Variants in GTF2A1 observed in about 807,000 individuals in gnomAD.
The protein encoded by GTF2A1 is general transcription factor IIA subunit 1, also known as transcription initiation factor IIA subunit 1.
GTF2A1 carries 12 observed loss-of-function variants against 54.1 expected under a neutral mutation model. That is an observed-to-expected ratio of 0.22 (90% confidence interval 0.14 to 0.36). GTF2A1 has a LOEUF of 0.36. Among genes scored for constraint, GTF2A1 ranks in the 10% least tolerant of loss-of-function variants. The probability of loss-of-function intolerance (pLI) is 1.00; values close to 1 mark genes in which losing one functional copy is unlikely to be tolerated. For synonymous variants in GTF2A1, 145 were observed against 152.0 expected, an observed-to-expected ratio of 0.95 and a Z score of 0.34; for missense variants, 335 against 442.2, an observed-to-expected ratio of 0.76 and a Z score of 2.17.
intron 8 of GTF2A1, among the ~76,000 whole-genome samples, chr14:81,181,126 C>G (rs1280062929): frequency 3.9e-5 from 6 of 152,172 alleles, no homozygotes; most frequent in African/African-American, 1.4e-4. Context: ...AGCTGAAGGG[C>G]AGGCTCTGGG....
intron 2 of GTF2A1, among the ~76,000 whole-genome samples, chr14:81,208,723 G>A (rs1461892533): frequency 1.3e-5 from 2 of 152,182 alleles, no homozygotes; most frequent in East Asian, 1.9e-4. Context: ...GCCCAAGACC[G>A]TGGGAACCCA....
At position 81,178,134 on chromosome 14, in the gene GTF2A1, T is replaced by C. The variant is rs774374514; in HGVS notation, c.*2089A>G. The stretch of plus-strand genomic sequence containing the variant: ...CTATGAATATGAATGTTTGTCTACA[T>C]AGAGGGCCCAAGACAAGCTGAATAT... On this transcript the variant is annotated 3_prime_UTR_variant, in exon 9 of 9. Transcript: ENST00000553612. 7 of 152,090 alleles carry C rather than the reference T, an allele frequency of 4.6e-5. No individual in the cohort carries two copies. Among genetic ancestry groups the C allele is most frequent in the Non-Finnish European group, 1.0e-4 (7 of 67,972 alleles). 9.4% of individuals were successfully genotyped at this position (152,090 alleles called of 1,614,324 possible).
chr14:81,213,356 G>T (rs1473939604), intron 2 of GTF2A1, among the ~76,000 whole-genome samples: 1 of 152,114 alleles, frequency 6.6e-6, no homozygotes, highest in Admixed American at 6.5e-5. Flanking sequence ...CTCTTCGAGA[G>T]AATGTCTTGA....
chr14:81,201,863 T>C (rs1158387307), intron 3 of GTF2A1, among the ~76,000 whole-genome samples: 1 of 152,104 alleles, frequency 6.6e-6, no homozygotes, highest in Non-Finnish European at 1.5e-5. Flanking sequence ...CTAGAAAACA[T>C]TAAAAAATAT....
rs1893611737 is a variant in GTF2A1 at position 81,220,593 on chromosome 14, T to TC, written c.-76_-75insG. On this transcript the variant is annotated 5_prime_UTR_variant, in exon 1 of 9. In the 5' UTR this introduces an upstream ATG that the reference lacks. Coordinates refer to ENST00000553612, the MANE Select transcript of GTF2A1 (RefSeq NM_015859.4). Reference sequence around the variant, plus strand: ...AAAACAAAACCAAAAAAAAAAAAACTATAACACCCGGAGGGTGACCCAAAT... The same window carrying TC: ...AAAACAAAACCAAAAAAAAAAAAACTCATAACACCCGGAGGGTGACCCAAAT... 1 of 1,080,152 alleles carries TC rather than the reference T, an allele frequency of 9.3e-7. No individual in the cohort carries two copies. The highest frequency in any genetic ancestry group is 1.3e-6 in the Non-Finnish European group (1 of 782,620). 66.9% of individuals were successfully genotyped at this position (1,080,152 alleles called of 1,614,324 possible).
intron 6 of GTF2A1, among the ~76,000 whole-genome samples, chr14:81,195,053 T>C (rs1304166894): frequency 1.3e-5 from 2 of 148,188 alleles, no homozygotes; most frequent in African/African-American, 2.5e-5. Flanking sequence ...GGCAGGAGAA[T>C]CACTTGAACC....
chr14:81,210,830 C>T (rs1893348017), intron 2 of GTF2A1, among the ~76,000 whole-genome samples: 1 of 152,162 alleles, frequency 6.6e-6, no homozygotes, highest in Non-Finnish European at 1.5e-5. Flanking sequence ...GCTGGAATTA[C>T]AGGCATGAGA....
chr14:81,213,394 T>C (rs527694077), intron 2 of GTF2A1, among the ~76,000 whole-genome samples: 2 of 152,330 alleles, frequency 1.3e-5, no homozygotes, highest in East Asian at 3.9e-4. Context: ...GGGAAAATTC[T>C]CCAGATTTTC....
chr14:81,220,149 G>C lies in GTF2A1; in HGVS notation c.30+340C>G, dbSNP rs529321971. Among the ~76,000 whole-genome samples the C allele has an allele frequency of 5.4e-3, 814 of 151,032 alleles. 3 individuals are homozygous for C. The highest frequency in any genetic ancestry group is 0.019 in the African/African-American group (790 of 41,350). On this transcript the variant is annotated intron_variant, in intron 1 of 8. Transcript: ENST00000553612. ...CGGACGGGCCCCTCGGGGGGAAGCG[G>C]CGGCTCCCCTCCCGCCCTCCCTCCC... is the stretch of plus-strand genomic sequence containing the variant.
Position 81,177,128 on chromosome 14 carries a change from C to T in GTF2A1, c.*3095G>A, listed in dbSNP as rs564403419. 1 of 152,100 alleles carries T rather than the reference C, an allele frequency of 6.6e-6. No homozygotes were observed. Among genetic ancestry groups the T allele is most frequent in the Admixed American group, 6.5e-5 (1 of 15,280 alleles). 9.4% of individuals were successfully genotyped at this position (152,100 alleles called of 1,614,324 possible). On this transcript the variant is annotated 3_prime_UTR_variant, in exon 9 of 9. Transcript: ENST00000553612. ...AAAAGCTATATGTTATTTCCTAAAA[C>T]CAGAATCTATTATGCTCATTAAGCA...
At chr14:81,214,449 T>A (rs1195466080) in intron 2 of GTF2A1, among the ~76,000 whole-genome samples, 1 of 151,834 alleles carries the variant, frequency 6.6e-6, no homozygotes, top group African/African-American at 2.4e-5. Context: ...ATCGAGACCA[T>A]CCTGGCTAAC....
intron 1 of GTF2A1, among the ~76,000 whole-genome samples, chr14:81,219,494 G>A (rs956322330): frequency 1.3e-5 from 2 of 152,230 alleles, no homozygotes; most frequent in African/African-American, 2.4e-5. Flanking sequence ...GCCAAAGGGA[G>A]GAGGACCACA....
At position 81,196,129 on chromosome 14, in the gene GTF2A1, T is replaced by A. The variant is rs367806181; in HGVS notation, c.591A>T (p.Val197=). The change falls in exon 6 of 9, where the codon GTA becomes GTT. Residue 197 remains valine, a synonymous_variant. Transcript: ENST00000553612. ...TTACCTGCTGTATAACAGGAGCTTG[T>A]ACTCCACCAGGCTGCATTTGTGGTA... ...QVIPQMQPGG[V]QAPVIQQVLA... is the part of the protein sequence containing the mutation. 355 of 1,613,630 alleles carry A rather than the reference T, an allele frequency of 2.2e-4. 2 individuals carry two copies. The highest frequency in any genetic ancestry group is 3.1e-5 in the Non-Finnish European group (37 of 1,179,656).
chr14:81,196,395 A>G (rs552552120), intron 5 of GTF2A1, among the ~76,000 whole-genome samples, 154 bp from the exon 6 acceptor site: 2 of 152,352 alleles, frequency 1.3e-5, no homozygotes, highest in South Asian at 4.1e-4. Context: ...CACAGTATGC[A>G]TAATCCTCCC....
intron 4 of GTF2A1, 134 bp from the exon 5 acceptor site, chr14:81,197,618 C>A: frequency 1.9e-6 from 1 of 536,812 alleles, no homozygotes; most frequent in South Asian, 2.8e-5. Flanking sequence ...AGGCTAAATC[C>A]CATTTTATAA....
At chr14:81,200,046 ATTT>A (rs1158881787) in intron 4 of GTF2A1, among the ~76,000 whole-genome samples, 1 of 152,082 alleles carries the variant, frequency 6.6e-6, no homozygotes, top group Admixed American at 6.6e-5. Context: ...CAGGCATGAA[ATTT>A]TTTATTTTCA....
chr14:81,183,695 G>A (rs764492246), intron 8 of GTF2A1, among the ~76,000 whole-genome samples: 5 of 152,086 alleles, frequency 3.3e-5, no homozygotes, highest in South Asian at 2.1e-4. Flanking sequence ...TGCTATTTTC[G>A]CTAAATGCTG....
chr14:81,216,501 C>G lies in GTF2A1; in HGVS notation c.44G>C (p.Arg15Thr), dbSNP rs1449603493. The G allele has an allele frequency of 6.7e-7, 1 of 1,486,376 alleles. No homozygotes were observed. The highest frequency in any genetic ancestry group is 1.7e-5 in the Admixed American group (1 of 59,140). The allele number at this position is 1,486,376 out of a possible 1,614,324, so 92.1% of individuals were successfully genotyped here. Reference protein sequence around the residue: ...ANTNTVPKLYRSVIEDVINDV... With the variant: ...ANTNTVPKLYTSVIEDVINDV... ...ATTAATGACATCTTCAATCACAGAT[C>G]TGTATAATTTAGGCTTTAAAGGAAA... is the stretch of plus-strand genomic sequence containing the variant. Residue 15 changes from arginine to threonine, a missense_variant, in exon 2 of 9, where the codon AGA becomes ACA. Physicochemically the swap from Arg to Thr is moderately conservative, Grantham distance 71. Transcript: ENST00000553612.
At chr14:81,188,417 T>C (rs1441310080) in intron 7 of GTF2A1, among the ~76,000 whole-genome samples, 1 of 151,578 alleles carries the variant, frequency 6.6e-6, no homozygotes, top group Non-Finnish European at 1.5e-5. Context: ...AACCACCTTT[T>C]TAATCTACAA....
Sources: gnomAD v4.1 joint callset for allele counts (sites outside exome capture counted in the v4.1 genomes callset) on GRCh38, gnomAD v4.1.1 for gene constraint, MANE v1.5 for transcripts, NCBI Gene and HGNC (gene_info 2026-07-23, HGNC 2026-07-21) for gene names.